RTN4: variants seen among roughly 807,000 people sequenced by gnomAD.
RTN4 encodes the protein reticulon 4, also known as reticulon-4.
RTN4 carries 32 observed loss-of-function variants against 90.4 expected under a neutral mutation model. The observed-to-expected ratio is 0.35, with a 90% confidence interval of 0.27 to 0.48. RTN4 has a LOEUF of 0.48. Ranked by LOEUF, RTN4 falls within the 20% of genes least tolerant of loss-of-function variation. The pLI is 0.99. For missense variants in RTN4, 1,706 were observed against 1,430.2 expected, an observed-to-expected ratio of 1.19 and a Z score of -3.11; for synonymous variants, 629 against 552.5, an observed-to-expected ratio of 1.14 and a Z score of -1.94.
chr2:55,093,653 G>C (rs941710168), intron 1 of RTN4, among the ~76,000 whole-genome samples: 1 of 152,106 alleles, frequency 6.6e-6, no homozygotes, highest in African/African-American at 2.4e-5. Context: ...ACGAGGCCAG[G>C]GGGGATTAGG....
intron 3 of RTN4, among the ~76,000 whole-genome samples, chr2:55,003,636 A>G (rs1205824866): frequency 2.6e-5 from 4 of 152,214 alleles, no homozygotes; most frequent in Non-Finnish European, 5.9e-5. Flanking sequence ...GACCAAGTGA[A>G]TACAGTCAGC....
intron 3 of RTN4, among the ~76,000 whole-genome samples, chr2:55,006,155 C>G (rs895580067): frequency 6.6e-6 from 1 of 151,996 alleles, no homozygotes; most frequent in Non-Finnish European, 1.5e-5. Context: ...AAAAAGATAC[C>G]CCAAAACTAT....
At chr2:55,113,455 T>C (rs1390200440), upstream of RTN4, among the ~76,000 whole-genome samples, 2 of 152,204 alleles carry the variant, frequency 1.3e-5, no homozygotes, top group African/African-American at 4.8e-5. Context: ...CCCTGGCTAC[T>C]CTGTCCTCTT....
chr2:54,973,491 A>G, intron 8 of RTN4, 72 bp downstream of exon 8: 8 of 1,169,764 alleles, frequency 6.8e-6, no homozygotes, highest in Non-Finnish European at 1.0e-5. Flanking sequence ...TATGCCTGCA[A>G]TATGAAAATA....
intron 3 of RTN4, among the ~76,000 whole-genome samples, chr2:55,019,436 A>G (rs952512038): frequency 1.3e-5 from 2 of 152,190 alleles, no homozygotes; most frequent in African/African-American, 4.8e-5. Flanking sequence ...CAAAGACAAT[A>G]TAAGGAAATC....
chr2:55,051,320 A>C (rs1668084477), upstream of RTN4, among the ~76,000 whole-genome samples: 2 of 152,160 alleles, frequency 1.3e-5, no homozygotes, highest in Non-Finnish European at 2.9e-5. Context: ...AAATACAAAG[A>C]TGCCTTGGAA....
intron 2 of RTN4, among the ~76,000 whole-genome samples, chr2:55,068,029 C>T (rs892856879): frequency 1.2e-4 from 18 of 152,182 alleles, no homozygotes; most frequent in Non-Finnish European, 5.9e-5. Context: ...TCTACTTCTG[C>T]ATTCAATCTG....
At chr2:55,078,823 T>C (rs1005137867) in intron 2 of RTN4, among the ~76,000 whole-genome samples, 1 of 152,074 alleles carries the variant, frequency 6.6e-6, no homozygotes, top group African/African-American at 2.4e-5. Flanking sequence ...AGATTTTGAA[T>C]ATGTGGGTGT....
intron 3 of RTN4, among the ~76,000 whole-genome samples, chr2:55,018,196 T>C (rs949944953): frequency 1.1e-4 from 17 of 152,156 alleles, no homozygotes; most frequent in African/African-American, 4.1e-4. Context: ...ATGAAACAAA[T>C]ATGTGAGAGT....
chr2:54,973,999 A>C (rs1677384485), intron 6 of RTN4, 132 bp from the exon 7 acceptor site: 1 of 725,420 alleles, frequency 1.4e-6, no homozygotes, highest in Non-Finnish European at 2.2e-6. Flanking sequence ...AAACATAAGG[A>C]TCTCTGGATG....
Position 55,026,285 on chromosome 2 carries a change from G to C in RTN4, c.1814C>G (p.Ala605Gly). ...QLCPSFEESE[A>G]TPSPVLPDIV... is the part of the protein sequence containing the mutation. ...GTCAGGCAAAACTGGTGAAGGAGTA[G>C]CTTCTGACTCTTCAAATGATGGGCA... Residue 605 changes from alanine (A) to glycine (G), a missense_variant, in exon 3 of 9, where the codon GCT becomes GGT. Ala to Gly is a moderately conservative substitution (Grantham distance 60). Coordinates refer to ENST00000337526, the MANE Select transcript of RTN4 (RefSeq NM_020532.5). 1 of 1,613,972 alleles carries C rather than the reference G, an allele frequency of 6.2e-7. No individual in the cohort carries two copies. The highest frequency in any genetic ancestry group is 8.5e-7 in the Non-Finnish European group (1 of 1,179,894).
intron 3 of RTN4, among the ~76,000 whole-genome samples, chr2:55,022,713 T>A (rs1477833465): frequency 6.6e-6 from 1 of 152,108 alleles, no homozygotes; most frequent in African/African-American, 2.4e-5. Context: ...AGTCCTGCCA[T>A]CACCCTGGGT....
intron 3 of RTN4, among the ~76,000 whole-genome samples, chr2:54,999,836 C>CA (rs1232719498): frequency 1.3e-5 from 2 of 152,082 alleles, no homozygotes; most frequent in Non-Finnish European, 2.9e-5. Flanking sequence ...ATTCACCTGT[C>CA]AAAAAACTGA....
chr2:55,067,885 T>C (rs1668422387), intron 2 of RTN4, among the ~76,000 whole-genome samples: 1 of 152,252 alleles, frequency 6.6e-6, no homozygotes, highest in East Asian at 1.9e-4. Flanking sequence ...CACTGCATGT[T>C]AACATAAATC....
chr2:55,001,202 A>G (rs1679830066), intron 3 of RTN4, among the ~76,000 whole-genome samples: 1 of 152,172 alleles, frequency 6.6e-6, no homozygotes, highest in Admixed American at 6.5e-5. Flanking sequence ...TCATTTTATT[A>G]AAAAACCAAT....
chr2:55,021,043 T>C (rs77641886), intron 3 of RTN4, among the ~76,000 whole-genome samples: 3,469 of 152,234 alleles, frequency 0.023, 69 homozygotes, highest in Non-Finnish European at 0.031. Context: ...TCTGAGGAAA[T>C]TAGTATTTTA....
chr2:55,030,829 CCCT>C (rs1682254398), intron 1 of RTN4, among the ~76,000 whole-genome samples: 4 of 152,100 alleles, frequency 2.6e-5, no homozygotes, highest in Admixed American at 2.6e-4. Context: ...CTGTATCAGC[CCCT>C]CAAGTTAGTT....
intron 1 of RTN4, among the ~76,000 whole-genome samples, chr2:55,109,569 T>C (rs548337466): frequency 1.3e-5 from 2 of 152,194 alleles, no homozygotes; most frequent in East Asian, 1.9e-4. Context: ...TTGTTACTGA[T>C]ACTCACTTGC....
upstream of RTN4, chr2:55,050,538 G>A: frequency 2.8e-6 from 1 of 360,076 alleles, no homozygotes; most frequent in Non-Finnish European, 5.0e-6. This position sits in a 1 kb window ranked among gnomAD's most constrained non-coding sequence, Gnocchi z 4.6. Context: ...CTAGGAGTGA[G>A]GCCAGCGGAC....
Sources: allele counts gnomAD v4.1 joint callset (sites outside exome capture counted in the v4.1 genomes callset), GRCh38; gene constraint gnomAD v4.1.1; non-coding constraint Gnocchi (gnomAD v3.1); transcripts MANE v1.5; gene names NCBI Gene and HGNC (gene_info 2026-07-23, HGNC 2026-07-21).